Variants in PHACTR1 observed in about 807,000 individuals in gnomAD.
The protein encoded by PHACTR1 is RPEL repeat containing 1.
A neutral mutation model predicts 69.2 loss-of-function variants in PHACTR1; 16 were observed. The ratio of observed to expected loss-of-function variants is 0.23; its 90% CI spans 0.16 to 0.35. The LOEUF (loss-of-function observed/expected upper bound fraction) is 0.35, where lower values mean the gene tolerates loss of function less well. PHACTR1 is among the 10% of genes least tolerant of loss of function. The pLI, the probability that PHACTR1 is intolerant of heterozygous loss-of-function variation, is 1.00. For synonymous variants in PHACTR1, 312 were observed against 284.5 expected, an observed-to-expected ratio of 1.10 and a Z score of -0.97; for missense variants, 510 against 734.7, an observed-to-expected ratio of 0.69 and a Z score of 3.54.
chr6:13,234,708 A>G (rs1771725340), intron 10 of PHACTR1, among the ~76,000 whole-genome samples: 1 of 152,226 alleles, frequency 6.6e-6, no homozygotes, highest in South Asian at 2.1e-4. Context: ...TGTTGAGGCT[A>G]TTGGGCAGAC....
chr6:12,768,300 G>A (rs1270191409), intron 4 of PHACTR1, among the ~76,000 whole-genome samples: 5 of 151,974 alleles, frequency 3.3e-5, no homozygotes. Flanking sequence ...ATTTTTAGTA[G>A]AGACGGGGTT....
chr6:12,882,044 A>T (rs1041990283), intron 4 of PHACTR1, among the ~76,000 whole-genome samples: 14 of 152,172 alleles, frequency 9.2e-5, no homozygotes, highest in African/African-American at 3.4e-4. Context: ...ATTAAAGACA[A>T]TGAACGATAA....
intron 4 of PHACTR1, among the ~76,000 whole-genome samples, chr6:12,928,877 A>G (rs1043327711): frequency 7.9e-5 from 12 of 152,212 alleles, no homozygotes; most frequent in African/African-American, 2.9e-4. Context: ...CTGAGGAAGG[A>G]TACATGAGTC....
At chr6:12,969,494 C>T (rs564434874) in intron 4 of PHACTR1, among the ~76,000 whole-genome samples, 164 of 152,310 alleles carry the variant, frequency 1.1e-3, no homozygotes, top group African/African-American at 3.6e-3. Context: ...GTAATCCCAG[C>T]ATTTCAGGAG....
intron 8 of PHACTR1, among the ~76,000 whole-genome samples, chr6:13,206,614 A>C (rs1402691512): frequency 1.3e-5 from 2 of 152,258 alleles, no homozygotes; most frequent in Non-Finnish European, 2.9e-5. Flanking sequence ...CATACATTTA[A>C]GAAAGGTTAA....
chr6:12,869,322 C>G (rs905524067), intron 4 of PHACTR1, among the ~76,000 whole-genome samples: 1 of 152,178 alleles, frequency 6.6e-6, no homozygotes, highest in African/African-American at 2.4e-5. Flanking sequence ...TAATCCAGTC[C>G]TGTCTCACAC....
At chr6:13,038,042 A>G (rs539986777) in intron 4 of PHACTR1, among the ~76,000 whole-genome samples, 2 of 152,370 alleles carry the variant, frequency 1.3e-5, no homozygotes, top group South Asian at 4.1e-4. Flanking sequence ...GATAAAGTGA[A>G]GATGAGGTGC....
intron 10 of PHACTR1, among the ~76,000 whole-genome samples, chr6:13,264,477 G>C (rs968720599): frequency 4.6e-5 from 7 of 152,198 alleles, no homozygotes; most frequent in Admixed American, 1.3e-4. Context: ...CCAGCACTTT[G>C]GGAGGCTGAG....
At chr6:13,231,624 A>G (rs1373258724) in intron 10 of PHACTR1, among the ~76,000 whole-genome samples, 1 of 152,110 alleles carries the variant, frequency 6.6e-6, no homozygotes, top group Admixed American at 6.5e-5. Flanking sequence ...ATGCTTCATT[A>G]CTCCACTGGG....
chr6:12,893,309 G>A (rs185981414), intron 4 of PHACTR1, among the ~76,000 whole-genome samples: 1 of 152,296 alleles, frequency 6.6e-6, no homozygotes, highest in Non-Finnish European at 1.5e-5. Context: ...ACACAAATGC[G>A]AGGGAGGCTG....
At chr6:13,075,461 G>A (rs766167397) in intron 5 of PHACTR1, among the ~76,000 whole-genome samples, 28 of 152,106 alleles carry the variant, frequency 1.8e-4, no homozygotes, top group Non-Finnish European at 3.2e-4. Flanking sequence ...TGGTACTGTT[G>A]CTTGTTACTG....
chr6:13,141,277 A>G (rs1215146804), intron 5 of PHACTR1, among the ~76,000 whole-genome samples: 1 of 152,204 alleles, frequency 6.6e-6, no homozygotes, highest in Non-Finnish European at 1.5e-5. Flanking sequence ...TACTCAGATC[A>G]ACCCAACTCA....
chr6:12,851,776 A>G (rs1237959841), intron 4 of PHACTR1, among the ~76,000 whole-genome samples: 1 of 152,166 alleles, frequency 6.6e-6, no homozygotes, highest in Non-Finnish European at 1.5e-5. Flanking sequence ...TTTGTCATGT[A>G]TTCCATGATC....
intron 10 of PHACTR1, among the ~76,000 whole-genome samples, chr6:13,231,558 G>A (rs1771204994): frequency 6.6e-6 from 1 of 152,158 alleles, no homozygotes; most frequent in Non-Finnish European, 1.5e-5. Context: ...GTTTGATTAA[G>A]CACAAAGCAA....
At chr6:12,916,355 T>C (rs1437859153) in intron 4 of PHACTR1, among the ~76,000 whole-genome samples, 6 of 152,190 alleles carry the variant, frequency 3.9e-5, no homozygotes, top group Non-Finnish European at 7.4e-5. Flanking sequence ...CTTGCTTTTC[T>C]CCAGTGGAAA....
intron 4 of PHACTR1, among the ~76,000 whole-genome samples, chr6:12,968,642 T>C (rs1269602832): frequency 6.6e-6 from 1 of 152,206 alleles, no homozygotes; most frequent in Admixed American, 6.5e-5. Context: ...GTGAGCTTTT[T>C]TTGTCACTAA....
intron 5 of PHACTR1, among the ~76,000 whole-genome samples, chr6:13,128,387 A>G (rs1819887276): frequency 6.6e-6 from 1 of 151,358 alleles, no homozygotes; most frequent in African/African-American, 2.4e-5. Flanking sequence ...AAACCAACTT[A>G]AATAAATTTT....
rs942126348 is a variant in PHACTR1, at chr6:13,287,138, A to T, written c.*60A>T. On this transcript the variant is annotated 3_prime_UTR_variant, in exon 15 of 15. Coordinates refer to ENST00000332995, the MANE Select transcript of PHACTR1 (RefSeq NM_030948.6). ...AAAACATAAATTTATAAGAACCATA[A>T]GTGCTGGTATTTATTCACTTCCCCA... is the stretch of plus-strand genomic sequence containing the variant. The T allele has an allele frequency of 4.7e-5, 70 of 1,488,618 alleles. No individual in the cohort carries two copies. Among genetic ancestry groups the T allele is most frequent in the Non-Finnish European group, 6.5e-5 (70 of 1,084,808 alleles). The allele number at this position is 1,488,618 out of a possible 1,614,324, so 92.2% of individuals were successfully genotyped here.
At chr6:13,062,119 T>C (rs190937075) in intron 5 of PHACTR1, among the ~76,000 whole-genome samples, 29 of 152,316 alleles carry the variant, frequency 1.9e-4, no homozygotes, top group Non-Finnish European at 3.7e-4. Flanking sequence ...TGTTGGGAAC[T>C]CTCCTGATAC....
Sources: gnomAD v4.1 joint callset for allele counts (sites outside exome capture counted in the v4.1 genomes callset) on GRCh38, gnomAD v4.1.1 for gene constraint, MANE v1.5 for transcripts, NCBI Gene and HGNC (gene_info 2026-07-23, HGNC 2026-07-21) for gene names.